The following TBC1D21 variants were observed in gnomAD, a reference collection of about 807,000 sequenced individuals.
The protein encoded by TBC1D21 is male germ cell Rab GTPase-activating protein.
Under a neutral mutation model 46.0 loss-of-function variants are expected in TBC1D21, and 38 were observed. The observed-to-expected ratio is 0.83, with a 90% CI of 0.64 to 1.08. TBC1D21 has a LOEUF of 1.08. TBC1D21 is among the 50% of genes least tolerant of loss of function. TBC1D21 has a pLI of 0.00. For missense variants in TBC1D21, 415 were observed against 417.9 expected, an observed-to-expected ratio of 0.99 and a Z score of 0.06; for synonymous variants, 151 against 157.2, an observed-to-expected ratio of 0.96 and a Z score of 0.29.
the TBC1D21 span, among the ~76,000 whole-genome samples, chr15:73,903,732 G>A: frequency 6.6e-6 from 1 of 152,126 alleles, no homozygotes; most frequent in Non-Finnish European, 1.5e-5. Flanking sequence ...CTGCCTCTTT[G>A]ACACCAACTC....
At chr15:73,886,712 T>C in intron 8 of TBC1D21, 100 bp downstream of exon 8, 1 of 1,128,854 alleles carries the variant, frequency 8.9e-7, no homozygotes. Context: ...CTGGCTTGGA[T>C]GGAGTTCAGT....
chr15:73,907,698 C>T, the TBC1D21 span, among the ~76,000 whole-genome samples: 7 of 152,178 alleles, frequency 4.6e-5, no homozygotes, highest in African/African-American at 1.2e-4. Context: ...TAATCTCTTA[C>T]CCCTAAAAAG....
chr15:73,905,328 C>T, the TBC1D21 span, among the ~76,000 whole-genome samples: 1,876 of 152,294 alleles, frequency 0.012, 26 homozygotes, highest in African/African-American at 0.043. Context: ...AATTCAATTG[C>T]TAAATGATCT....
At chr15:73,882,894 G>A (rs1310838097) in intron 3 of TBC1D21, among the ~76,000 whole-genome samples, 1 of 152,244 alleles carries the variant, frequency 6.6e-6, no homozygotes, top group Non-Finnish European at 1.5e-5. Context: ...TCCCACAGTA[G>A]TGAGAACGGA....
At chr15:73,883,675 C>T (rs1239316713) in intron 3 of TBC1D21, among the ~76,000 whole-genome samples, 1 of 152,226 alleles carries the variant, frequency 6.6e-6, no homozygotes, top group Non-Finnish European at 1.5e-5. Context: ...GGGGTTAGGA[C>T]ATGGATATGT....
chr15:73,907,347 T>G, the TBC1D21 span, among the ~76,000 whole-genome samples: 1 of 152,216 alleles, frequency 6.6e-6, no homozygotes, highest in East Asian at 1.9e-4. Context: ...CAAGTTCATC[T>G]TTGGTGGGGT....
At chr15:73,887,280 C>T (rs1015016601) in intron 8 of TBC1D21, among the ~76,000 whole-genome samples, 4 of 152,190 alleles carry the variant, frequency 2.6e-5, no homozygotes, top group Non-Finnish European at 5.9e-5. Flanking sequence ...TTCCCATCAA[C>T]CCTTGCTTGC....
chr15:73,884,029 G>A, intron 3 of TBC1D21, 122 bp from the exon 4 acceptor site: 1 of 781,072 alleles, frequency 1.3e-6, no homozygotes, highest in Non-Finnish European at 2.3e-6. Context: ...CACAGGTAGG[G>A]TGCATGGCTG....
In TBC1D21 at chr15:73,873,689, G is replaced by A; in HGVS notation, c.-21G>A. The A allele has an allele frequency of 6.3e-7, 1 of 1,595,980 alleles. No individual in the cohort carries two copies. Among genetic ancestry groups the A allele is most frequent in the South Asian group, 1.1e-5 (1 of 88,482 alleles). On this transcript the variant is annotated 5_prime_UTR_variant, in exon 1 of 11. Coordinates refer to ENST00000300504, the MANE Select transcript of TBC1D21 (RefSeq NM_153356.3). ...TCCAAGTGAGTTCTGATCAGAGGCT[G>A]TTCGGAAGACAGCAGGGGCCATGAC...
At position 73,876,199 on chromosome 15, in the gene TBC1D21, G is replaced by GGTGTTTTTTTTTTTTTTTTTTTTTTT. The variant is rs2068057275; in HGVS notation, c.60+2430_60+2431insGTGTTTTTTTTTTTTTTTTTTTTTTT. ...GAAGAATCAGTGACTTTTTTTGTGG[G>GGTGTTTTTTTTTTTTTTTTTTTTTTT]TTTTTTTTTTTTTTTTTTTTTTTTT... On this transcript the variant is annotated intron_variant, in intron 1 of 10. Coordinates refer to ENST00000300504, the MANE Select transcript of TBC1D21 (RefSeq NM_153356.3). 1.1e-4 allele frequency among the ~76,000 whole-genome samples: 3 copies of GGTGTTTTTTTTTTTTTTTTTTTTTTT among 28,314 alleles called. 1 individual carries two copies. Among genetic ancestry groups the GGTGTTTTTTTTTTTTTTTTTTTTTTT allele is most frequent in the Admixed American group, 1.2e-3 (2 of 1,656 alleles). 18.6% of individuals were successfully genotyped at this position (28,314 alleles called of 152,430 possible).
intron 1 of TBC1D21, among the ~76,000 whole-genome samples, chr15:73,879,051 G>A (rs1003420747): frequency 1.6e-4 from 25 of 152,180 alleles, no homozygotes; most frequent in African/African-American, 6.0e-4. Flanking sequence ...CTTGGCCCAT[G>A]TGTCCTATTT....
At chr15:73,884,542 G>T (rs1348959058) in intron 4 of TBC1D21, among the ~76,000 whole-genome samples, 4 of 152,180 alleles carry the variant, frequency 2.6e-5, no homozygotes, top group Non-Finnish European at 4.4e-5. Flanking sequence ...GAGGAAGGGT[G>T]GGGGAGGACA....
chr15:73,879,874 CTGT>C (rs5813727), intron 1 of TBC1D21, among the ~76,000 whole-genome samples: 125,493 of 149,800 alleles, frequency 0.84, 53,193 homozygotes, highest in Admixed American at 0.91. Flanking sequence ...ACCCTCACTC[CTGT>C]TGTTGTTGTT....
intron 3 of TBC1D21, among the ~76,000 whole-genome samples, chr15:73,882,346 C>T (rs1567065749): frequency 6.6e-6 from 1 of 152,188 alleles, no homozygotes; most frequent in South Asian, 2.1e-4. Flanking sequence ...ACATTCCAAC[C>T]ACACTGACAG....
At chr15:73,901,218 G>T in the TBC1D21 span, among the ~76,000 whole-genome samples, 1 of 152,178 alleles carries the variant, frequency 6.6e-6, no homozygotes, top group East Asian at 1.9e-4. Context: ...AACTGCTCTT[G>T]GCCAAAAGGA....
At chr15:73,895,798 G>A in the TBC1D21 span, among the ~76,000 whole-genome samples, 16 of 152,212 alleles carry the variant, frequency 1.1e-4, no homozygotes, top group Non-Finnish European at 2.2e-4. Flanking sequence ...CAGGTCAAGA[G>A]GAGGGATTGT....
the TBC1D21 span, among the ~76,000 whole-genome samples, chr15:73,909,306 G>C: frequency 2.0e-5 from 3 of 152,064 alleles, no homozygotes; most frequent in Non-Finnish European, 2.9e-5. Flanking sequence ...TGGGAGGTGA[G>C]GTTGCAGTGA....
intron 1 of TBC1D21, among the ~76,000 whole-genome samples, chr15:73,879,895 T>A (rs903769834): frequency 2.7e-5 from 4 of 149,354 alleles, no homozygotes; most frequent in Admixed American, 2.6e-4. Flanking sequence ...GTTGTTGTTG[T>A]TGTTGTTGTT....
chr15:73,909,169 C>T, the TBC1D21 span, among the ~76,000 whole-genome samples: 2 of 152,176 alleles, frequency 1.3e-5, no homozygotes, highest in African/African-American at 2.4e-5. Flanking sequence ...GTCAGCAGTT[C>T]GAGACCAGCG....
Sources: gnomAD v4.1 joint callset for allele counts (sites outside exome capture counted in the v4.1 genomes callset) on GRCh38, gnomAD v4.1.1 for gene constraint, MANE v1.5 for transcripts, NCBI Gene and HGNC (gene_info 2026-07-23, HGNC 2026-07-21) for gene names.